The following GLI2 variants were observed in gnomAD, a reference collection of about 807,000 sequenced individuals.
GLI2 encodes GLI family zinc finger 2, also known as transcription activator GLI2.
Under a neutral mutation model 78.9 loss-of-function variants are expected in GLI2, and 22 were observed. The ratio of observed to expected loss-of-function variants is 0.28; its 90% CI spans 0.20 to 0.40. The LOEUF (loss-of-function observed/expected upper bound fraction) is 0.40, where lower values mean the gene tolerates loss of function less well. Ranked by LOEUF, GLI2 falls within the 10% of genes least tolerant of loss-of-function variation. The pLI is 1.00. For synonymous variants in GLI2, 974 were observed against 963.7 expected, an observed-to-expected ratio of 1.01 and a Z score of -0.20; for missense variants, 2,097 against 2,213.2, an observed-to-expected ratio of 0.95 and a Z score of 1.05.
intron 6 of GLI2, among the ~76,000 whole-genome samples, chr2:120,969,930 T>C (rs531607876): frequency 1.3e-5 from 2 of 152,288 alleles, no homozygotes; most frequent in East Asian, 1.9e-4. Context: ...TTGGCTCTTA[T>C]GCAAGTGGTG....
chr2:120,904,458 C>A (rs1393709509), intron 2 of GLI2, among the ~76,000 whole-genome samples: 1 of 152,110 alleles, frequency 6.6e-6, no homozygotes, highest in Non-Finnish European at 1.5e-5. Flanking sequence ...ACCTCACGAG[C>A]TCTGGGTTTT....
At chr2:120,900,279 A>G (rs575771050) in intron 2 of GLI2, among the ~76,000 whole-genome samples, 25 of 152,222 alleles carry the variant, frequency 1.6e-4, no homozygotes, top group African/African-American at 6.0e-4. Flanking sequence ...AGTGCTTCCC[A>G]AACTTCAGTG....
intron 8 of GLI2, among the ~76,000 whole-genome samples, chr2:120,973,124 T>G (rs1013012602): frequency 6.6e-6 from 1 of 152,174 alleles, no homozygotes; most frequent in African/African-American, 2.4e-5. Flanking sequence ...TCTGGGCACT[T>G]AATTTTCATG....
rs1455208351 is a variant in GLI2 at position 120,906,627 on chromosome 2, T to C, written c.149-20734T>C. The stretch of plus-strand genomic sequence containing the variant: ...CAGAGGACAGCCTCCCACCAAGAGC[T>C]GAGCCCCCAGCTCTGGCCTCCTTTC... On this transcript the variant is annotated intron_variant, in intron 2 of 13. Coordinates refer to ENST00000361492, the MANE Select transcript of GLI2 (RefSeq NM_001374353.1). Among the ~76,000 whole-genome samples, 3 of 150,920 alleles carry C rather than the reference T, an allele frequency of 2.0e-5. No individual in the cohort carries two copies. In the East Asian group the frequency reaches 5.9e-4, roughly 29 times the overall value.
chr2:120,821,667 G>A (rs1685782781), intron 2 of GLI2, among the ~76,000 whole-genome samples: 1 of 152,184 alleles, frequency 6.6e-6, no homozygotes, highest in Non-Finnish European at 1.5e-5. Context: ...TAAACAGAGG[G>A]GAGGTGCCTG....
chr2:120,742,809 C>T (rs1214651295), intron 1 of GLI2, among the ~76,000 whole-genome samples: 1 of 152,024 alleles, frequency 6.6e-6, no homozygotes, highest in South Asian at 2.1e-4. Context: ...TAGAATGTGA[C>T]GAATTTGTTT....
chr2:120,808,798 G>T (rs1685083458), intron 2 of GLI2, among the ~76,000 whole-genome samples: 2 of 152,200 alleles, frequency 1.3e-5, no homozygotes, highest in African/African-American at 4.8e-5. Flanking sequence ...AGTGCAGGGT[G>T]GCCTGGCATG....
chr2:120,950,831 G>C (rs1680945164), intron 3 of GLI2, among the ~76,000 whole-genome samples: 1 of 152,102 alleles, frequency 6.6e-6, no homozygotes, highest in African/African-American at 2.4e-5. Context: ...TTTTACCCGT[G>C]GTATTCGTAT....
At chr2:120,900,662 T>C (rs1156349775) in intron 2 of GLI2, among the ~76,000 whole-genome samples, 2 of 152,230 alleles carry the variant, frequency 1.3e-5, no homozygotes, top group Non-Finnish European at 2.9e-5. Context: ...ATAAACATTA[T>C]TTGCTGTCTT....
intron 2 of GLI2, among the ~76,000 whole-genome samples, chr2:120,897,705 C>T (rs971323114): frequency 2.0e-5 from 3 of 152,106 alleles, no homozygotes; most frequent in Non-Finnish European, 2.9e-5. Context: ...TAGGCCTTGC[C>T]GTTAACATGT....
intron 1 of GLI2, among the ~76,000 whole-genome samples, chr2:120,773,233 A>G (rs1010626266): frequency 2.0e-4 from 31 of 151,946 alleles, no homozygotes; most frequent in Admixed American, 7.2e-4. Flanking sequence ...CTTTTGGGGG[A>G]AAAGGGGAGA....
At chr2:120,813,100 C>T (rs746221694) in intron 2 of GLI2, among the ~76,000 whole-genome samples, 13 of 152,338 alleles carry the variant, frequency 8.5e-5, no homozygotes, top group African/African-American at 2.4e-4. Context: ...AAAGTGTTGG[C>T]GCTCCTGGCC....
chr2:120,953,736 T>C (rs531265770), intron 4 of GLI2, among the ~76,000 whole-genome samples: 1 of 152,220 alleles, frequency 6.6e-6, no homozygotes, highest in Non-Finnish European at 1.5e-5. Context: ...ATGCCTGTAA[T>C]TGGATTTTCG....
intron 5 of GLI2, among the ~76,000 whole-genome samples, chr2:120,963,316 C>T (rs1681674291): frequency 6.6e-6 from 1 of 152,270 alleles, no homozygotes; most frequent in Non-Finnish European, 1.5e-5. Flanking sequence ...GCAAGCCACA[C>T]TGCCCTGATT....
chr2:120,811,634 G>A (rs908904973), intron 2 of GLI2, among the ~76,000 whole-genome samples: 1 of 152,170 alleles, frequency 6.6e-6, no homozygotes, highest in African/African-American at 2.4e-5. Flanking sequence ...CAGTTGGAAA[G>A]GGAGGTTGGA....
intron 3 of GLI2, among the ~76,000 whole-genome samples, chr2:120,940,915 C>T (rs1310024852): frequency 6.6e-6 from 1 of 152,178 alleles, no homozygotes; most frequent in Non-Finnish European, 1.5e-5. Context: ...GGGTCTGTCT[C>T]AGAACCCCAG....
At position 120,797,400 on chromosome 2, in the gene GLI2, ACCCGGGTAAAAAGG is replaced by A. The variant is rs773943622; in HGVS notation, c.83_96del (p.Pro28LeufsTer33). On this transcript the variant is annotated frameshift_variant, in exon 2 of 14. Coordinates refer to ENST00000361492, the MANE Select transcript of GLI2 (RefSeq NM_001374353.1). LOFTEE classifies it high-confidence loss of function. Reference sequence around the variant, plus strand: ...ATCCTGGAGGCCGCTGGCTTCCCCGACCCGGGTAAAAAGGCCTCTCCTTTGGTGGTGGCTGCAGC... The same window carrying A: ...ATCCTGGAGGCCGCTGGCTTCCCCGACCTCTCCTTTGGTGGTGGCTGCAGC... 4 of 1,612,376 alleles carry A rather than the reference ACCCGGGTAAAAAGG, an allele frequency of 2.5e-6. No homozygotes were observed. The Admixed American group carries it at 6.7e-5, about 27-fold the overall frequency.
chr2:120,844,710 G>C (rs752184460), intron 2 of GLI2, among the ~76,000 whole-genome samples: 3 of 152,162 alleles, frequency 2.0e-5, no homozygotes, highest in Non-Finnish European at 4.4e-5. Flanking sequence ...AGACAAAGTG[G>C]ATAGGGTAAT....
At chr2:120,740,395 T>C (rs116137266) in intron 1 of GLI2, among the ~76,000 whole-genome samples, 1,734 of 152,082 alleles carry the variant, frequency 0.011, 36 homozygotes, top group African/African-American at 0.037. Context: ...TGGGTTTAAA[T>C]TGAATAATGT....
Sources: gnomAD v4.1 joint callset for allele counts (sites outside exome capture counted in the v4.1 genomes callset) on GRCh38, gnomAD v4.1.1 for gene constraint, MANE v1.5 for transcripts, NCBI Gene and HGNC (gene_info 2026-07-23, HGNC 2026-07-21) for gene names.